Variants in GRID2 observed in about 807,000 individuals in gnomAD.
GRID2 encodes glutamate receptor ionotropic, delta-2.
GRID2 carries 33 observed loss-of-function variants against 114.8 expected under a neutral mutation model. The ratio of observed to expected loss-of-function variants is 0.29; its 90% CI spans 0.22 to 0.38. The LOEUF (loss-of-function observed/expected upper bound fraction) is 0.38. Among genes scored for constraint, GRID2 ranks in the 10% least tolerant of loss-of-function variants. The pLI, the probability that GRID2 is intolerant of heterozygous loss-of-function variation, is 1.00. For missense variants in GRID2, 1,184 were observed against 1,257.7 expected (o/e 0.94, Z 0.89); for synonymous variants, 505 against 449.9 (o/e 1.12, Z -1.55).
chr4:92,304,601 G>C lies in GRID2; in HGVS notation c.-56G>C, dbSNP rs2110098696. ...TGACCTCAAACTCTTTGGACTGTTT[G>C]AAAAAAAAAAAATTGGAAGAAAATC... On this transcript the variant is annotated 5_prime_UTR_variant, in exon 1 of 16. Coordinates refer to ENST00000282020, the MANE Select transcript of GRID2 (RefSeq NM_001510.4). 9.6e-7 allele frequency: 1 copy of C among 1,039,766 alleles called. No homozygotes were observed. The allele number at this position is 1,039,766 out of a possible 1,614,324, so 64.4% of individuals were successfully genotyped here. A position where few individuals can be genotyped will look rare whatever the true frequency, so the allele number is the denominator to read the frequency against.
chr4:93,792,931 C>T (rs116538063), intron 1 of GRID2, among the ~76,000 whole-genome samples: 18 of 152,216 alleles, frequency 1.2e-4, no homozygotes, highest in Non-Finnish European at 2.5e-4. Flanking sequence ...CCAGGTAGGA[C>T]GTCAGGTTCC....
At chr4:92,738,165 C>T (rs887173378) in intron 2 of GRID2, among the ~76,000 whole-genome samples, 5 of 152,062 alleles carry the variant, frequency 3.3e-5, no homozygotes, top group African/African-American at 1.2e-4. Flanking sequence ...TTGCATTTTT[C>T]TGATGGCCAG....
chr4:93,338,465 T>A (rs1759312259), intron 8 of GRID2, among the ~76,000 whole-genome samples: 1 of 152,156 alleles, frequency 6.6e-6, no homozygotes, highest in Non-Finnish European at 1.5e-5. Flanking sequence ...ATGCAATAGG[T>A]GTGAATCATT....
chr4:93,679,286 T>G (rs976851888), intron 14 of GRID2, among the ~76,000 whole-genome samples: 4 of 150,966 alleles, frequency 2.6e-5, no homozygotes, highest in African/African-American at 9.8e-5. Flanking sequence ...AGCAAGTCCT[T>G]AGTGACCTAC....
intron 2 of GRID2, among the ~76,000 whole-genome samples, chr4:92,819,539 T>G (rs2149385949): frequency 6.6e-6 from 1 of 152,256 alleles, no homozygotes; most frequent in African/African-American, 2.4e-5. Flanking sequence ...TTGAAATCTC[T>G]ATTTTCCTGT....
chr4:93,086,336 T>G (rs1211192586), intron 3 of GRID2, among the ~76,000 whole-genome samples: 1 of 152,222 alleles, frequency 6.6e-6, no homozygotes, highest in Non-Finnish European at 1.5e-5. Context: ...TTTCTTGTCC[T>G]AAGCTACCCA....
intron 1 of GRID2, among the ~76,000 whole-genome samples, chr4:92,340,591 C>T: frequency 6.6e-6 from 1 of 152,182 alleles, no homozygotes; most frequent in Non-Finnish European, 1.5e-5. Context: ...TGAACACCTA[C>T]TCATTGCTCA....
chr4:93,796,946 G>C (rs1339355429), intron 1 of GRID2, among the ~76,000 whole-genome samples: 1 of 152,160 alleles, frequency 6.6e-6, no homozygotes, highest in Admixed American at 6.5e-5. Flanking sequence ...TATATTGTTA[G>C]GTCATTTCAC....
At chr4:92,680,641 T>C (rs10002692) in intron 2 of GRID2, among the ~76,000 whole-genome samples, 18,245 of 152,040 alleles carry the variant, frequency 0.12, 1,689 homozygotes, top group African/African-American at 0.25. Context: ...AAACAACAGA[T>C]TCGTTGTTAT....
chr4:93,264,584 T>C (rs1437378058), intron 8 of GRID2, among the ~76,000 whole-genome samples: 5 of 151,174 alleles, frequency 3.3e-5, no homozygotes, highest in Non-Finnish European at 7.4e-5. Context: ...ATAAGCTCCA[T>C]GGATGACTTT....
At chr4:92,468,349 G>T (rs1294992814) in intron 1 of GRID2, among the ~76,000 whole-genome samples, 5 of 151,788 alleles carry the variant, frequency 3.3e-5, no homozygotes. Flanking sequence ...AGTAGAAAGT[G>T]GCAGAACTGG....
At chr4:92,895,496 G>C (rs1411317099) in intron 2 of GRID2, among the ~76,000 whole-genome samples, 1 of 150,278 alleles carries the variant, frequency 6.7e-6, no homozygotes, top group Non-Finnish European at 1.5e-5. Flanking sequence ...AGAATCAAAG[G>C]CTCTATCTGA....
At chr4:93,722,212 G>A (rs113430602) in intron 14 of GRID2, among the ~76,000 whole-genome samples, 4 of 151,826 alleles carry the variant, frequency 2.6e-5, no homozygotes, top group Non-Finnish European at 5.9e-5. Flanking sequence ...CACCACGCCC[G>A]GCCAATAAGT....
intron 1 of GRID2, among the ~76,000 whole-genome samples, chr4:92,559,586 C>T (rs1189424661): frequency 6.6e-6 from 1 of 152,064 alleles, no homozygotes; most frequent in Non-Finnish European, 1.5e-5. Context: ...TTATTGTCTT[C>T]CACAGTCAAA....
chr4:92,875,992 A>G (rs1281016760), intron 2 of GRID2, among the ~76,000 whole-genome samples: 1 of 152,140 alleles, frequency 6.6e-6, no homozygotes, highest in Non-Finnish European at 1.5e-5. Flanking sequence ...GGGCCTGGAA[A>G]CATGTGGGAC....
At chr4:93,558,282 A>G (rs533400339) in intron 13 of GRID2, among the ~76,000 whole-genome samples, 1 of 152,338 alleles carries the variant, frequency 6.6e-6, no homozygotes, top group Non-Finnish European at 1.5e-5. Flanking sequence ...CCCTTCAAAA[A>G]TCAATGAATC....
At chr4:93,384,121 A>G (rs1295713071) in intron 8 of GRID2, among the ~76,000 whole-genome samples, 1 of 152,202 alleles carries the variant, frequency 6.6e-6, no homozygotes, top group Non-Finnish European at 1.5e-5. Context: ...AGGGGTGAAC[A>G]GTATCCTCAC....
intron 8 of GRID2, among the ~76,000 whole-genome samples, chr4:93,251,768 G>C (rs1331898122): frequency 1.3e-5 from 2 of 152,048 alleles, no homozygotes; most frequent in African/African-American, 4.8e-5. Context: ...TGCAGTATTT[G>C]GTTTTCTGTT....
At chr4:93,505,267 TC>T (rs1728515942) in intron 12 of GRID2, among the ~76,000 whole-genome samples, 1 of 152,042 alleles carries the variant, frequency 6.6e-6, no homozygotes, top group Admixed American at 6.6e-5. Flanking sequence ...ATTAGTGAAG[TC>T]CTTCCTGAAT....
Sources: gnomAD v4.1 joint callset for allele counts (sites outside exome capture counted in the v4.1 genomes callset) on GRCh38, gnomAD v4.1.1 for gene constraint, MANE v1.5 for transcripts, NCBI Gene and HGNC (gene_info 2026-07-23, HGNC 2026-07-21) for gene names.